Variants in TMEM120B observed in about 807,000 individuals in gnomAD.
TMEM120B encodes the protein transmembrane protein 120B.
In TMEM120B, 31 loss-of-function variants were observed where a neutral mutation model predicts 55.5. The ratio of observed to expected loss-of-function variants is 0.56; its 90% CI spans 0.42 to 0.75. The LOEUF (loss-of-function observed/expected upper bound fraction) is 0.75, where lower values mean the gene tolerates loss of function less well. Ranked by LOEUF, TMEM120B falls within the 30% of genes least tolerant of loss-of-function variation. The pLI is 0.00. For missense variants in TMEM120B, 399 were observed against 425.5 expected, an observed-to-expected ratio of 0.94 and a Z score of 0.55; for synonymous variants, 203 against 176.3, an observed-to-expected ratio of 1.15 and a Z score of -1.20.
At chr12:121,770,748 CAG>C (rs897017108) in intron 6 of TMEM120B, among the ~76,000 whole-genome samples, 157 bp from the exon 7 acceptor site, 3 of 152,056 alleles carry the variant, frequency 2.0e-5, no homozygotes, top group Non-Finnish European at 4.4e-5. Flanking sequence ...CCCTGTGGGA[CAG>C]AGAGGAGGGC....
chr12:121,767,606 A>G (rs1420478080), intron 6 of TMEM120B, among the ~76,000 whole-genome samples: 2 of 152,242 alleles, frequency 1.3e-5, no homozygotes, highest in Non-Finnish European at 2.9e-5. Flanking sequence ...AAAGCCACTC[A>G]GTTGTGCACT....
chr12:121,758,722 C>T, intron 5 of TMEM120B: 1 of 977,914 alleles, frequency 1.0e-6, no homozygotes, highest in Non-Finnish European at 1.2e-6. Flanking sequence ...GACGGCCCAG[C>T]TCCACGCTGT....
chr12:121,773,767 T>TACACACACACACACACACACACACAC lies in TMEM120B; in HGVS notation c.772+265_772+266insCACACACACACACACACACACACACA, dbSNP rs139459284. Among the ~76,000 whole-genome samples the TACACACACACACACACACACACACAC allele has an allele frequency of 7.1e-4, 107 of 151,376 alleles. 1 individual carries two copies. The highest frequency in any genetic ancestry group is 2.5e-3 in the African/African-American group (101 of 41,060). Reference sequence around the variant, plus strand: ...CTATTTTTTTGTGTGTGTTCTAGAATACACACACACAAATTAGCCATTTGT... The same window carrying TACACACACACACACACACACACACAC: ...CTATTTTTTTGTGTGTGTTCTAGAATACACACACACACACACACACACACACACACACACACAAATTAGCCATTTGT... On this transcript the variant is annotated intron_variant, in intron 9 of 11. Transcript: ENST00000449592.
intron 1 of TMEM120B, among the ~76,000 whole-genome samples, chr12:121,713,890 A>T (rs560978790): frequency 1.3e-5 from 2 of 152,208 alleles, no homozygotes; most frequent in African/African-American, 4.8e-5. Context: ...TACATTGCAC[A>T]CTATCACCCC....
At chr12:121,745,516 C>T (rs986571366) in intron 2 of TMEM120B, among the ~76,000 whole-genome samples, 13 of 150,974 alleles carry the variant, frequency 8.6e-5, no homozygotes, top group African/African-American at 2.4e-4. Flanking sequence ...CTCAGCCTCC[C>T]GAGTAGCTGG....
chr12:121,770,569 G>A (rs192269659), intron 6 of TMEM120B, among the ~76,000 whole-genome samples: 34 of 151,796 alleles, frequency 2.2e-4, no homozygotes, highest in African/African-American at 7.7e-4. Flanking sequence ...GAGGACAGGA[G>A]CCGTGCCTGG....
At chr12:121,730,270 AAAG>A (rs1377574067) in intron 1 of TMEM120B, among the ~76,000 whole-genome samples, 6 of 151,534 alleles carry the variant, frequency 4.0e-5, no homozygotes, top group Non-Finnish European at 5.9e-5. Flanking sequence ...AAAAAAAAAA[AAAG>A]AAGGAAATTC....
chr12:121,726,267 A>G (rs1287363813), intron 1 of TMEM120B, among the ~76,000 whole-genome samples: 1 of 151,992 alleles, frequency 6.6e-6, no homozygotes, highest in Non-Finnish European at 1.5e-5. Flanking sequence ...TGTAAATTAT[A>G]TATCAATGAA....
intron 1 of TMEM120B, among the ~76,000 whole-genome samples, chr12:121,740,046 T>C (rs956647788): frequency 3.3e-5 from 5 of 152,250 alleles, no homozygotes; most frequent in East Asian, 3.9e-4. Flanking sequence ...CCCAAAGTGT[T>C]GGGATTACAG....
In TMEM120B at chr12:121,712,845, G is replaced by T; in HGVS notation, c.-51G>T. The T allele has an allele frequency of 7.4e-7, 1 of 1,348,490 alleles. No individual in the cohort carries two copies. Among genetic ancestry groups the T allele is most frequent in the South Asian group, 1.9e-5 (1 of 53,142 alleles). The allele number at this position is 1,348,490 out of a possible 1,614,324, so 83.5% of individuals were successfully genotyped here. A position where few individuals can be genotyped will look rare whatever the true frequency, so the allele number is the denominator to read the frequency against. ...GCGTGGGGCGCTGGGGGGCCGGTCG[G>T]GCAGCGCTGCGGGAGCAGCCGCCGG... On this transcript the variant is annotated 5_prime_UTR_variant, in exon 1 of 12. Transcript: ENST00000449592.
intron 7 of TMEM120B, 36 bp from the exon 8 acceptor site, chr12:121,771,452 G>T: frequency 6.3e-7 from 1 of 1,577,922 alleles, no homozygotes; most frequent in Non-Finnish European, 8.7e-7. Flanking sequence ...ATTTCATAGT[G>T]GGCCCCACCT....
chr12:121,777,998 C>T lies in TMEM120B; in HGVS notation c.*2276C>T, dbSNP rs1874300975. On this transcript the variant is annotated 3_prime_UTR_variant, in exon 12 of 12. Transcript: ENST00000449592. ...TTGGAAGCTCAGGTTTAGCTGACGC[C>T]CCAGCACTGGGCCAGGGGGGCTGAG... The T allele has an allele frequency of 6.6e-6, 1 of 152,186 alleles. No homozygotes were observed. The highest frequency in any genetic ancestry group is 1.5e-5 in the Non-Finnish European group (1 of 68,064). The allele number at this position is 152,186 out of a possible 1,614,324, so 9.4% of individuals were successfully genotyped here.
intron 6 of TMEM120B, among the ~76,000 whole-genome samples, chr12:121,769,397 T>C (rs1873955265): frequency 6.6e-6 from 1 of 152,132 alleles, no homozygotes; most frequent in Non-Finnish European, 1.5e-5. Context: ...GGCAATGTCA[T>C]AGCTGCAGTC....
Position 121,770,903 on chromosome 12 carries a change from C to T in TMEM120B, c.552-4C>T, listed in dbSNP as rs184767447. 90 of 1,614,052 alleles carry T rather than the reference C, an allele frequency of 5.6e-5. No individual in the cohort carries two copies. The highest frequency in any genetic ancestry group is 3.5e-4 in the African/African-American group (26 of 75,048). ...AGCACTTTCCGTTCTCTCCCTCTCC[C>T]GAGAATTAAAGGCTGGTGGGTGTCT... On this transcript the variant is annotated splice_region_variant and splice_polypyrimidine_tract_variant and intron_variant, in intron 6 of 11. Coordinates refer to ENST00000449592, the MANE Select transcript of TMEM120B (RefSeq NM_001080825.2).
At chr12:121,725,310 G>A (rs1894872547) in intron 1 of TMEM120B, among the ~76,000 whole-genome samples, 1 of 152,150 alleles carries the variant, frequency 6.6e-6, no homozygotes, top group Non-Finnish European at 1.5e-5. Flanking sequence ...TGTTTAATGT[G>A]CTGGTGGTCC....
In TMEM120B at chr12:121,727,905, A is replaced by C. The variant is rs1450111783; in HGVS notation, c.69+14941A>C. On this transcript the variant is annotated intron_variant, in intron 1 of 11. Coordinates refer to ENST00000449592, the MANE Select transcript of TMEM120B (RefSeq NM_001080825.2). ...AAAAAAAAAAAAAGAGATTGGTAAC[A>C]ATGAGTCCAAGGTTCAGAGCTTCTT... Among the ~76,000 whole-genome samples, 3 of 151,744 alleles carry C rather than the reference A, an allele frequency of 2.0e-5. No homozygotes were observed. The East Asian group carries it at 5.8e-4, about 29-fold the overall frequency.
intron 1 of TMEM120B, among the ~76,000 whole-genome samples, chr12:121,724,827 G>T (rs981092145): frequency 1.3e-5 from 2 of 150,094 alleles, no homozygotes; most frequent in African/African-American, 4.9e-5. Flanking sequence ...AGCCAGGATG[G>T]TCTCGATCTC....
intron 1 of TMEM120B, among the ~76,000 whole-genome samples, chr12:121,731,983 A>G (rs1895012019): frequency 6.6e-6 from 1 of 152,150 alleles, no homozygotes; most frequent in Non-Finnish European, 1.5e-5. Context: ...TTAAACATAC[A>G]AAAATTAGCT....
intron 6 of TMEM120B, among the ~76,000 whole-genome samples, chr12:121,768,755 G>T (rs1020232824): frequency 1.3e-5 from 2 of 152,196 alleles, no homozygotes; most frequent in Admixed American, 6.5e-5. Flanking sequence ...GATGTTGAAG[G>T]TTACAGGGTT....
Sources: gnomAD v4.1 joint callset for allele counts (sites outside exome capture counted in the v4.1 genomes callset) on GRCh38, gnomAD v4.1.1 for gene constraint, MANE v1.5 for transcripts, NCBI Gene and HGNC (gene_info 2026-07-23, HGNC 2026-07-21) for gene names.